The following DAB1 variants were observed in gnomAD, a reference collection of about 807,000 sequenced individuals.
The protein encoded by DAB1 is DAB adaptor protein 1.
In DAB1, 15 loss-of-function variants were observed where a neutral mutation model predicts 64.6. That is an observed-to-expected ratio of 0.23 (90% CI 0.16 to 0.36). The LOEUF (loss-of-function observed/expected upper bound fraction) is 0.36, where lower values mean the gene tolerates loss of function less well. Ranked by LOEUF, DAB1 falls within the 10% of genes least tolerant of loss-of-function variation. The pLI is 1.00. For missense variants in DAB1, 596 were observed against 706.7 expected (o/e 0.84, Z 1.78); for synonymous variants, 235 against 251.9 (o/e 0.93, Z 0.64).
chr1:57,242,295 C>T (rs969795404), intron 2 of DAB1, among the ~76,000 whole-genome samples: 1 of 152,090 alleles, frequency 6.6e-6, no homozygotes, highest in African/African-American at 2.4e-5. Flanking sequence ...GTGACAAAAG[C>T]ATTTTCAGGT....
At chr1:58,012,455 C>T (rs1188009) in intron 5 of DAB1, among the ~76,000 whole-genome samples, 89,383 of 151,876 alleles carry the variant, frequency 0.59, 27,242 homozygotes, top group East Asian at 0.98. Flanking sequence ...ACCTGCACAA[C>T]GTGCACATGT....
At chr1:57,292,781 C>T (rs956567445) in intron 1 of DAB1, among the ~76,000 whole-genome samples, 23 of 152,076 alleles carry the variant, frequency 1.5e-4, no homozygotes, top group Admixed American at 1.5e-3. Context: ...TTCCTGTCCT[C>T]CAAGAAGCTC....
chr1:57,111,129 A>G (rs1046718021), intron 4 of DAB1, among the ~76,000 whole-genome samples: 6 of 152,068 alleles, frequency 3.9e-5, no homozygotes, highest in African/African-American at 1.4e-4. Context: ...CCAGACCTGA[A>G]GGATGGGTGG....
intron 5 of DAB1, among the ~76,000 whole-genome samples, chr1:58,039,032 A>G (rs1647091345): frequency 6.6e-6 from 1 of 151,852 alleles, no homozygotes; most frequent in Admixed American, 6.6e-5. Flanking sequence ...CAACCCCACT[A>G]AGCCCCGACT....
At chr1:57,374,528 G>T (rs961574648) in intron 1 of DAB1, among the ~76,000 whole-genome samples, 1 of 152,098 alleles carries the variant, frequency 6.6e-6, no homozygotes, top group Non-Finnish European at 1.5e-5. Flanking sequence ...TTCCAATTAT[G>T]CTCAATAAAT....
At chr1:58,534,158 T>C (rs758756394) in intron 1 of DAB1, 12 of 870,342 alleles carry the variant, frequency 1.4e-5, no homozygotes, top group Non-Finnish European at 2.0e-6. Context: ...ATTTACTTAC[T>C]GGAAGCACGA....
At chr1:57,004,902 C>T (rs972477365) in intron 14 of DAB1, among the ~76,000 whole-genome samples, 1 of 152,156 alleles carries the variant, frequency 6.6e-6, no homozygotes, top group African/African-American at 2.4e-5. Flanking sequence ...ATAACATCTA[C>T]CTCATGGGAC....
At chr1:57,425,138 A>G (rs1370711516), upstream of DAB1, among the ~76,000 whole-genome samples, 1 of 152,166 alleles carries the variant, frequency 6.6e-6, no homozygotes, top group Non-Finnish European at 1.5e-5. Context: ...GAAATGCAGG[A>G]GAAGAGAGGA....
chr1:57,045,849 G>A (rs954645646), intron 9 of DAB1, among the ~76,000 whole-genome samples: 25 of 152,202 alleles, frequency 1.6e-4, no homozygotes, highest in Admixed American at 1.5e-3. Context: ...TATGCTGACA[G>A]AACTTCTATG....
chr1:57,462,229 G>A (rs764084747), intron 7 of DAB1, among the ~76,000 whole-genome samples: 3 of 152,060 alleles, frequency 2.0e-5, no homozygotes, highest in South Asian at 2.1e-4. Flanking sequence ...GATTACAGGC[G>A]TGAGCCACTG....
chr1:58,193,829 C>T (rs1019518863), intron 4 of DAB1, among the ~76,000 whole-genome samples: 2 of 151,652 alleles, frequency 1.3e-5, no homozygotes, highest in Non-Finnish European at 2.9e-5. Flanking sequence ...GCACTCCAGC[C>T]TGGGCAACAA....
intron 7 of DAB1, among the ~76,000 whole-genome samples, chr1:57,466,495 A>T (rs1183833843): frequency 6.6e-6 from 1 of 152,232 alleles, no homozygotes; most frequent in Non-Finnish European, 1.5e-5. Flanking sequence ...ATTAATTGCC[A>T]AACCTAGATA....
intron 7 of DAB1, among the ~76,000 whole-genome samples, chr1:57,429,137 A>G (rs2101111252): frequency 2.0e-5 from 3 of 152,130 alleles, no homozygotes; most frequent in Middle Eastern, 6.8e-3. Context: ...CTGATTTTCA[A>G]CTTTTGGCTT....
At chr1:57,280,262 C>T (rs533491682) in intron 2 of DAB1, among the ~76,000 whole-genome samples, 1 of 152,308 alleles carries the variant, frequency 6.6e-6, no homozygotes, top group Non-Finnish European at 1.5e-5. Context: ...TTCACCTCTG[C>T]TCTTGCCTCT....
chr1:57,735,689 A>G (rs1268951112), intron 6 of DAB1, among the ~76,000 whole-genome samples: 1 of 143,088 alleles, frequency 7.0e-6, no homozygotes, highest in Non-Finnish European at 1.5e-5. Flanking sequence ...ATTTCCTGGT[A>G]TAGTTGAAAA....
intron 1 of DAB1, among the ~76,000 whole-genome samples, chr1:57,342,681 C>T (rs1453982065): frequency 2.0e-5 from 3 of 152,108 alleles, no homozygotes; most frequent in Non-Finnish European, 2.9e-5. Flanking sequence ...GTGGCCTGTC[C>T]GGAGTTTGTT....
At chr1:57,480,020 C>T (rs1217522497) in intron 7 of DAB1, among the ~76,000 whole-genome samples, 3 of 151,522 alleles carry the variant, frequency 2.0e-5, no homozygotes, top group South Asian at 2.1e-4. Flanking sequence ...GGCATGGTGG[C>T]GCGCGCCTGT....
At chr1:57,458,897 C>T (rs555652601) in intron 7 of DAB1, among the ~76,000 whole-genome samples, 1 of 151,946 alleles carries the variant, frequency 6.6e-6, no homozygotes, top group South Asian at 2.1e-4. Context: ...AAATCTTTTG[C>T]CTCTGAAGAG....
At chr1:57,847,263 T>G (rs1305538711) in intron 1 of DAB1, among the ~76,000 whole-genome samples, 4 of 151,486 alleles carry the variant, frequency 2.6e-5, no homozygotes, top group Non-Finnish European at 5.9e-5. Flanking sequence ...GACATTCAGC[T>G]TTTAAATCAC....
Sources: gnomAD v4.1 joint callset for allele counts (sites outside exome capture counted in the v4.1 genomes callset) on GRCh38, gnomAD v4.1.1 for gene constraint, MANE v1.5 for transcripts, NCBI Gene and HGNC (gene_info 2026-07-23, HGNC 2026-07-21) for gene names.